The following SLC8A1 variants were observed in gnomAD, a reference collection of about 807,000 sequenced individuals.
The protein encoded by SLC8A1 is solute carrier family 8 member A1, also known as sodium/calcium exchanger 1.
A neutral mutation model predicts 68.3 loss-of-function variants in SLC8A1; 18 were observed. The observed-to-expected ratio is 0.26, with a 90% CI of 0.18 to 0.39. The LOEUF (loss-of-function observed/expected upper bound fraction) is 0.39. Ranked by LOEUF, SLC8A1 falls within the 10% of genes least tolerant of loss-of-function variation. The pLI, the probability that SLC8A1 is intolerant of heterozygous loss-of-function variation, is 1.00. For synonymous variants in SLC8A1, 475 were observed against 415.5 expected (o/e 1.14, Z -1.74); for missense variants, 985 against 1,156.7 (o/e 0.85, Z 2.15).
chr2:40,386,594 T>A lies in SLC8A1; in HGVS notation c.1808+41879A>T, dbSNP rs1337909379. Among the ~76,000 whole-genome samples the A allele has an allele frequency of 1.9e-5, 2 of 107,892 alleles. 1 individual carries two copies. The highest frequency in any genetic ancestry group is 6.1e-5 in the African/African-American group (2 of 32,816). 70.8% of individuals were successfully genotyped at this position (107,892 alleles called of 152,430 possible). ...ATGATATACAAAGCAAGGTATTGGG[T>A]CTAATTACTTGATGAAATTTAAAAA... On this transcript the variant is annotated intron_variant, in intron 2 of 7. Coordinates refer to ENST00000406785, the Ensembl canonical transcript of SLC8A1.
chr2:40,412,506 C>T (rs903657873), intron 2 of SLC8A1, among the ~76,000 whole-genome samples: 3 of 152,134 alleles, frequency 2.0e-5, no homozygotes, highest in South Asian at 2.1e-4. Context: ...AGTGGGCATA[C>T]GGTTTTAACT....
intron 2 of SLC8A1, among the ~76,000 whole-genome samples, chr2:40,288,225 A>G (rs1249163497): frequency 6.6e-6 from 1 of 152,200 alleles, no homozygotes; most frequent in Admixed American, 6.5e-5. Flanking sequence ...GATTTCACAC[A>G]TATGACCTGA....
chr2:40,120,565 A>C (rs536179408), intron 7 of SLC8A1: 11 of 152,342 alleles, frequency 7.2e-5, no homozygotes, highest in African/African-American at 2.4e-4. Flanking sequence ...TTAAAATACT[A>C]AATTTATATG....
At chr2:40,396,748 TAAAAAAAAAAAAA>T (rs368483768) in intron 2 of SLC8A1, among the ~76,000 whole-genome samples, 46,884 of 87,560 alleles carry the variant, frequency 0.54, 8,969 homozygotes, top group Admixed American at 0.61. Flanking sequence ...CTCTAATAAC[TAAAAAAAAAAAAA>T]AAAAAAAAAA....
intron 2 of SLC8A1, among the ~76,000 whole-genome samples, chr2:40,180,114 A>G (rs1002388918): frequency 6.6e-6 from 1 of 151,984 alleles, no homozygotes; most frequent in African/African-American, 2.4e-5. Flanking sequence ...AGCCACAATC[A>G]TCTTTTAAAG....
intron 4 of SLC8A1, among the ~76,000 whole-genome samples, chr2:40,170,782 C>T (rs189706117): frequency 6.4e-4 from 97 of 152,250 alleles, no homozygotes; most frequent in African/African-American, 2.3e-3. Context: ...TTTAAGTCAA[C>T]CATTATAGAA....
chr2:40,222,450 C>T (rs558869581), intron 2 of SLC8A1, among the ~76,000 whole-genome samples: 2 of 152,278 alleles, frequency 1.3e-5, no homozygotes, highest in South Asian at 4.1e-4. Flanking sequence ...CAATACCATT[C>T]AGGACATAGG....
chr2:40,151,497 G>T (rs2043425132), intron 6 of SLC8A1, among the ~76,000 whole-genome samples: 1 of 152,096 alleles, frequency 6.6e-6, no homozygotes, highest in African/African-American at 2.4e-5. Flanking sequence ...TGCGGTTGTT[G>T]TTGTTTTTTT....
At chr2:40,481,545 T>C (rs908530784) in intron 1 of SLC8A1, among the ~76,000 whole-genome samples, 1 of 152,214 alleles carries the variant, frequency 6.6e-6, no homozygotes, top group Non-Finnish European at 1.5e-5. Context: ...TGATAACTGT[T>C]AGATCCTTCT....
At chr2:40,132,478 G>A (rs1436770280) in intron 7 of SLC8A1, among the ~76,000 whole-genome samples, 1 of 151,938 alleles carries the variant, frequency 6.6e-6, no homozygotes, top group Non-Finnish European at 1.5e-5. Context: ...GCCTCTTGGA[G>A]TATGTAGCAT....
At chr2:40,480,151 C>A (rs1259786480) in intron 1 of SLC8A1, among the ~76,000 whole-genome samples, 1 of 152,062 alleles carries the variant, frequency 6.6e-6, no homozygotes, top group Non-Finnish European at 1.5e-5. Context: ...ATCTTCAGAA[C>A]TAAACCCCAA....
At chr2:40,204,603 A>C (rs1270773926) in intron 2 of SLC8A1, among the ~76,000 whole-genome samples, 1 of 151,992 alleles carries the variant, frequency 6.6e-6, no homozygotes, top group Admixed American at 6.6e-5. Context: ...TGGCGGAGCT[A>C]ATGTTGTCTT....
At chr2:40,312,604 G>C (rs1412901030) in intron 2 of SLC8A1, among the ~76,000 whole-genome samples, 1 of 152,008 alleles carries the variant, frequency 6.6e-6, no homozygotes, top group African/African-American at 2.4e-5. Flanking sequence ...TATATATCCT[G>C]TATATTTCAT....
chr2:40,488,943 A>G (rs1205518842), intron 1 of SLC8A1, among the ~76,000 whole-genome samples: 1 of 152,154 alleles, frequency 6.6e-6, no homozygotes, highest in Non-Finnish European at 1.5e-5. Flanking sequence ...AGAGGAAATT[A>G]TGTTGGATTT....
chr2:40,216,313 T>G (rs1416475330), intron 2 of SLC8A1, among the ~76,000 whole-genome samples: 1 of 152,222 alleles, frequency 6.6e-6, no homozygotes, highest in Non-Finnish European at 1.5e-5. Flanking sequence ...GCTTCATCCA[T>G]GTCCTTGCAA....
chr2:40,112,767 C>A (rs1326159570), exon 8 of SLC8A1: 3 of 152,412 alleles, frequency 2.0e-5, no homozygotes, highest in African/African-American at 7.2e-5. Context: ...ATGGGATACA[C>A]TGGGCTTTCT....
chr2:40,248,768 G>A (rs1258117450), intron 2 of SLC8A1, among the ~76,000 whole-genome samples: 1 of 152,150 alleles, frequency 6.6e-6, no homozygotes, highest in Non-Finnish European at 1.5e-5. Flanking sequence ...TGGTAGCCAG[G>A]AGAAAGATTG....
chr2:40,485,908 T>C (rs1704938291), intron 1 of SLC8A1, among the ~76,000 whole-genome samples: 1 of 152,212 alleles, frequency 6.6e-6, no homozygotes, highest in South Asian at 2.1e-4. Flanking sequence ...AATAAATTGA[T>C]ACATAAATTG....
intron 2 of SLC8A1, among the ~76,000 whole-genome samples, chr2:40,356,701 A>G (rs1672766754): frequency 6.6e-6 from 1 of 152,150 alleles, no homozygotes; most frequent in Admixed American, 6.5e-5. Flanking sequence ...CAGATGTAAG[A>G]AAGACTAAAA....
Sources: allele counts gnomAD v4.1 joint callset (sites outside exome capture counted in the v4.1 genomes callset), GRCh38; gene constraint gnomAD v4.1.1; transcripts MANE v1.5; gene names NCBI Gene and HGNC (gene_info 2026-07-23, HGNC 2026-07-21).